PPP1R42: variants seen among roughly 807,000 people sequenced by gnomAD.
PPP1R42 encodes protein phosphatase 1 regulatory subunit 42.
PPP1R42 carries 34 observed loss-of-function variants against 31.0 expected under a neutral mutation model. That is an observed-to-expected ratio of 1.10 (90% CI 0.83 to 1.46). PPP1R42 has a LOEUF of 1.46. PPP1R42 is among the 40% of genes most tolerant of loss of function. PPP1R42 has a pLI of 0.00. For missense variants in PPP1R42, 268 were observed against 303.0 expected (o/e 0.88, Z 0.86); for synonymous variants, 103 against 109.8 (o/e 0.94, Z 0.39).
chr8:67,014,079 T>C (rs768519540), intron 3 of PPP1R42, among the ~76,000 whole-genome samples: 2 of 152,232 alleles, frequency 1.3e-5, no homozygotes. Context: ...CTTTTATCAG[T>C]TGAGCCCACA....
intron 5 of PPP1R42, among the ~76,000 whole-genome samples, chr8:67,007,884 CTTTTTTT>C (rs1157477422): frequency 7.5e-6 from 1 of 133,124 alleles, no homozygotes; most frequent in Non-Finnish European, 1.6e-5. Context: ...GTAACTGTTC[CTTTTTTT>C]TTTTTTTTTT....
intron 7 of PPP1R42, among the ~76,000 whole-genome samples, chr8:66,973,675 T>C (rs1234597225): frequency 6.6e-6 from 1 of 152,178 alleles, no homozygotes; most frequent in East Asian, 1.9e-4. Context: ...TACAATATCG[T>C]ATAGTAGATC....
intron 5 of PPP1R42, among the ~76,000 whole-genome samples, chr8:67,004,315 C>T (rs1416995743): frequency 6.6e-6 from 1 of 152,170 alleles, no homozygotes. Flanking sequence ...TCCCAGCCTC[C>T]AGCACTTCCA....
At chr8:66,985,630 A>G (rs1814985515) in intron 6 of PPP1R42, 2 of 1,360,590 alleles carry the variant, frequency 1.5e-6, no homozygotes, top group Non-Finnish European at 1.1e-6. Context: ...TGCCTTCTCA[A>G]TGGCATCATT....
Position 66,984,493 on chromosome 8 carries a change from G to A in PPP1R42, c.671-2313C>T, listed in dbSNP as rs960544140. ...CACTCCTATCAGGTACAGTTGCCCA[G>A]CATTGGCCTCAATCTTGAACTTCTT... On this transcript the variant is annotated intron_variant, in intron 6 of 7. Transcript: ENST00000685739. 15 of 1,234,672 alleles carry A rather than the reference G, an allele frequency of 1.2e-5. No homozygotes were observed. The Admixed American group carries it at 2.4e-4, about 19-fold the overall frequency. 76.5% of individuals were successfully genotyped at this position (1,234,672 alleles called of 1,614,324 possible).
Position 67,025,520 on chromosome 8 carries a change from A to G in PPP1R42, c.-85+2971T>C, listed in dbSNP as rs1816365974. Reference sequence around the variant, plus strand: ...GCCATGCTATTTTGTAGGGAAGGCAAAATCTTACCTCTTCCATCTTAGGGT... The same window carrying G: ...GCCATGCTATTTTGTAGGGAAGGCAGAATCTTACCTCTTCCATCTTAGGGT... On this transcript the variant is annotated intron_variant, in intron 1 of 7. Coordinates refer to ENST00000685739, the MANE Select transcript of PPP1R42 (RefSeq NM_001364910.1). Among the ~76,000 whole-genome samples, 3 of 151,826 alleles carry G rather than the reference A, an allele frequency of 2.0e-5. 1 individual carries two copies. In the South Asian group the frequency reaches 6.2e-4, roughly 31 times the overall value.
chr8:67,000,845 A>T (rs958079978), intron 5 of PPP1R42, among the ~76,000 whole-genome samples: 1 of 152,222 alleles, frequency 6.6e-6, no homozygotes, highest in African/African-American at 2.4e-5. Context: ...CCTATCTTTT[A>T]TATCATTACT....
intron 5 of PPP1R42, among the ~76,000 whole-genome samples, chr8:66,998,432 T>A (rs553905182): frequency 6.6e-6 from 1 of 152,234 alleles, no homozygotes; most frequent in Non-Finnish European, 1.5e-5. Context: ...ATACACTCCA[T>A]AAGTTCTAAT....
chr8:66,986,843 C>T lies in PPP1R42; in HGVS notation c.670+1557G>A, dbSNP rs147177373. Among the ~76,000 whole-genome samples the T allele has an allele frequency of 4.3e-3, 652 of 152,296 alleles. 8 individuals carry two copies. The highest frequency in any genetic ancestry group is 0.015 in the African/African-American group (616 of 41,566). On this transcript the variant is annotated intron_variant, in intron 6 of 7. Transcript: ENST00000685739. ...AGTCGTGATAACTAGAATTAGCCAT[C>T]CCTCCTTAACCTTTTCTCCCTAATT...
At chr8:66,964,434 T>G in intron 7 of PPP1R42, 100 bp from the exon 8 acceptor site, 1 of 460,608 alleles carries the variant, frequency 2.2e-6, no homozygotes, top group Non-Finnish European at 3.4e-6. Flanking sequence ...ATAACAATAT[T>G]AAAGGCTAAT....
At chr8:66,980,627 G>A (rs1446948966) in intron 7 of PPP1R42, among the ~76,000 whole-genome samples, 1 of 152,120 alleles carries the variant, frequency 6.6e-6, no homozygotes, top group African/African-American at 2.4e-5. Context: ...GTCCTAGAGT[G>A]ACAGAGCTCC....
rs181189782 is a variant in PPP1R42, at chr8:67,007,483, T to C, written c.552+3232A>G. On this transcript the variant is annotated intron_variant, in intron 5 of 7. Transcript: ENST00000685739. ...TTCAAGCAATTCTGCTTCAGCCTCCTGAGTAGCTGAGATTACAGGGTGTGC... is the reference window on the plus strand; with the variant it reads ...TTCAAGCAATTCTGCTTCAGCCTCCCGAGTAGCTGAGATTACAGGGTGTGC... Among the ~76,000 whole-genome samples, 13 of 152,274 alleles carry C rather than the reference T, an allele frequency of 8.5e-5. No individual in the cohort carries two copies. The East Asian group carries it at 2.5e-3, about 29-fold the overall frequency.
At chr8:66,973,659 C>T (rs2130914921) in intron 7 of PPP1R42, among the ~76,000 whole-genome samples, 1 of 152,036 alleles carries the variant, frequency 6.6e-6, no homozygotes, top group East Asian at 1.9e-4. Flanking sequence ...TTTTTTTTAC[C>T]TTAGGTACAA....
Position 66,984,608 on chromosome 8 carries a change from AC to A in PPP1R42, c.671-2429del, listed in dbSNP as rs547021751. The A allele has an allele frequency of 6.4e-5, 76 of 1,190,774 alleles. No homozygotes were observed. In the South Asian group the frequency reaches 8.0e-4, roughly 13 times the overall value. 73.8% of individuals were successfully genotyped at this position (1,190,774 alleles called of 1,614,324 possible). Reference sequence around the variant, plus strand: ...TCTAACTCCATATACAGATACGTGTACCCCCTGTGAAATGTCTTAAGCTTTT... The same window carrying A: ...TCTAACTCCATATACAGATACGTGTACCCCTGTGAAATGTCTTAAGCTTTT... On this transcript the variant is annotated intron_variant, in intron 6 of 7. Coordinates refer to ENST00000685739, the MANE Select transcript of PPP1R42 (RefSeq NM_001364910.1).
intron 6 of PPP1R42, chr8:66,988,097 G>A (rs1350270282): frequency 1.5e-5 from 15 of 1,009,726 alleles, no homozygotes; most frequent in Non-Finnish European, 1.7e-5. Flanking sequence ...TTGTGCTAAC[G>A]AAAGTTTGGC....
intron 7 of PPP1R42, among the ~76,000 whole-genome samples, chr8:66,967,486 C>T (rs1254496598): frequency 1.3e-5 from 2 of 152,130 alleles, no homozygotes; most frequent in East Asian, 3.8e-4. Context: ...TAACATCATT[C>T]CAGAGTTTTG....
At chr8:67,009,726 A>G (rs1445625938) in intron 5 of PPP1R42, among the ~76,000 whole-genome samples, 1 of 152,158 alleles carries the variant, frequency 6.6e-6, no homozygotes, top group Non-Finnish European at 1.5e-5. Context: ...TGCATTTTAG[A>G]TATTTTGAGG....
intron 5 of PPP1R42, among the ~76,000 whole-genome samples, chr8:67,002,030 T>C (rs920280249): frequency 6.6e-6 from 1 of 152,256 alleles, no homozygotes; most frequent in African/African-American, 2.4e-5. Context: ...ATGGTTTCAC[T>C]GGACATATAT....
intron 7 of PPP1R42, among the ~76,000 whole-genome samples, chr8:66,974,254 C>CT (rs1814612066): frequency 6.6e-6 from 1 of 151,994 alleles, no homozygotes; most frequent in African/African-American, 2.4e-5. Context: ...CACGTGTTGC[C>CT]TTTTTTAAAA....
Sources: allele counts gnomAD v4.1 joint callset (sites outside exome capture counted in the v4.1 genomes callset), GRCh38; gene constraint gnomAD v4.1.1; transcripts MANE v1.5; gene names NCBI Gene and HGNC (gene_info 2026-07-23, HGNC 2026-07-21).